Variants in C12orf56 observed in about 807,000 individuals in gnomAD.
The protein encoded by C12orf56 is chromosome 12 open reading frame 56, also known as uncharacterized protein C12orf56.
A neutral mutation model predicts 69.9 loss-of-function variants in C12orf56; 71 were observed. The ratio of observed to expected loss-of-function variants is 1.02; its 90% CI spans 0.84 to 1.24. The LOEUF is 1.24. Ranked by LOEUF, C12orf56 falls within the 50% of genes most tolerant of loss-of-function variation. C12orf56 has a pLI of 0.00. For synonymous variants in C12orf56, 276 were observed against 274.1 expected, an observed-to-expected ratio of 1.01 and a Z score of -0.07; for missense variants, 732 against 738.5, an observed-to-expected ratio of 0.99 and a Z score of 0.10.
intron 4 of C12orf56, among the ~76,000 whole-genome samples, chr12:64,315,710 T>G (rs2136832049): frequency 6.6e-6 from 1 of 152,272 alleles, no homozygotes; most frequent in African/African-American, 2.4e-5. Flanking sequence ...GGCAGGCAGA[T>G]CACCTGAAGT....
intron 4 of C12orf56, 64 bp from the exon 5 acceptor site, chr12:64,312,816 T>G: frequency 8.5e-7 from 1 of 1,175,690 alleles, no homozygotes; most frequent in Non-Finnish European, 1.2e-6. Flanking sequence ...TCCCCCTACC[T>G]TTAGTCAATG....
chr12:64,284,624 T>C (rs2038175238), intron 8 of C12orf56, 40 bp downstream of exon 8: 1 of 1,435,166 alleles, frequency 7.0e-7, no homozygotes, highest in East Asian at 2.3e-5. Flanking sequence ...AGTTAATGGG[T>C]TGCAACTACA....
At chr12:64,275,430 T>A in intron 9 of C12orf56, 58 bp from the exon 10 acceptor site, 1 of 775,240 alleles carries the variant, frequency 1.3e-6, no homozygotes, top group East Asian at 3.0e-5. Flanking sequence ...AAACGATAAT[T>A]TCCCATGGTT....
chr12:64,288,895 T>A (rs1346386420), intron 6 of C12orf56, among the ~76,000 whole-genome samples: 1 of 150,900 alleles, frequency 6.6e-6, no homozygotes. Flanking sequence ...GGAAAGTCAT[T>A]GGTAGCTTTA....
intron 1 of C12orf56, among the ~76,000 whole-genome samples, chr12:64,386,584 C>T (rs558851927): frequency 9.2e-5 from 14 of 151,960 alleles, no homozygotes; most frequent in South Asian, 2.1e-4. Context: ...TTAGTAGAGA[C>T]GGGGTGTCTC....
chr12:64,288,665 T>C (rs1237706102), intron 6 of C12orf56, among the ~76,000 whole-genome samples: 3 of 130,758 alleles, frequency 2.3e-5, no homozygotes, highest in Admixed American at 8.1e-5. Flanking sequence ...GTTGTAGATA[T>C]GCAGCATTAT....
intron 6 of C12orf56, among the ~76,000 whole-genome samples, chr12:64,294,066 A>G (rs1407971167): frequency 6.6e-6 from 1 of 152,202 alleles, no homozygotes; most frequent in Admixed American, 6.5e-5. Context: ...TGAATGGCCA[A>G]TAAGCACATG....
intron 11 of C12orf56, among the ~76,000 whole-genome samples, chr12:64,272,504 CAAAT>C (rs71089925): frequency 0.7 from 105,775 of 150,920 alleles, 38,171 homozygotes; most frequent in Non-Finnish European, 0.79. Flanking sequence ...GACTCTGTCT[CAAAT>C]AAATAAATAA....
chr12:64,352,099 G>T (rs113097437), intron 2 of C12orf56, among the ~76,000 whole-genome samples: 106 of 148,732 alleles, frequency 7.1e-4, no homozygotes, highest in African/African-American at 2.5e-3. Flanking sequence ...TTTTGTTTTT[G>T]TTTTTTTTTT....
chr12:64,293,126 C>T (rs535126511), intron 6 of C12orf56, among the ~76,000 whole-genome samples: 1 of 152,082 alleles, frequency 6.6e-6, no homozygotes, highest in Non-Finnish European at 1.5e-5. Flanking sequence ...CAGGTGCGTC[C>T]GTCACCCCTT....
chr12:64,355,843 A>G (rs1452613637), intron 1 of C12orf56: 1 of 152,310 alleles, frequency 6.6e-6, no homozygotes, highest in African/African-American at 2.4e-5. Flanking sequence ...CCCAATCACC[A>G]TGCTTATGAA....
chr12:64,382,367 T>G (rs2135986278), intron 1 of C12orf56, among the ~76,000 whole-genome samples: 1 of 152,212 alleles, frequency 6.6e-6, no homozygotes, highest in South Asian at 2.1e-4. Flanking sequence ...TTTGCTAAAT[T>G]TCCTAAAGCC....
intron 3 of C12orf56, among the ~76,000 whole-genome samples, chr12:64,328,697 AAAAAAAAAAATATATATAT>A (rs1161293062): frequency 2.5e-4 from 6 of 24,104 alleles, no homozygotes; most frequent in African/African-American, 8.3e-4. Context: ...AAAAAAAAAA[AAAAAAAAAAATATATATAT>A]ATATATATAT....
At chr12:64,348,881 T>C (rs1005041872) in intron 2 of C12orf56, among the ~76,000 whole-genome samples, 3 of 152,228 alleles carry the variant, frequency 2.0e-5, no homozygotes, top group African/African-American at 7.2e-5. Flanking sequence ...TTTGAGATTG[T>C]GACATTGGAA....
chr12:64,348,261 G>C (rs139867961), intron 2 of C12orf56, among the ~76,000 whole-genome samples: 2,563 of 152,256 alleles, frequency 0.017, 66 homozygotes, highest in African/African-American at 0.058. Flanking sequence ...CTAGGCAACA[G>C]AGCAAGACTC....
chr12:64,334,379 T>A (rs1361315424), intron 2 of C12orf56, among the ~76,000 whole-genome samples: 1 of 152,166 alleles, frequency 6.6e-6, no homozygotes, highest in Non-Finnish European at 1.5e-5. Flanking sequence ...TCCCTTAGTA[T>A]CCATGGAAAA....
intron 6 of C12orf56, among the ~76,000 whole-genome samples, chr12:64,296,561 A>G (rs1405292544): frequency 1.3e-5 from 2 of 152,204 alleles, no homozygotes; most frequent in African/African-American, 4.8e-5. Context: ...GATTTAGATG[A>G]CAATTGGTAA....
At chr12:64,283,908 ATT>A (rs35345999) in intron 8 of C12orf56, among the ~76,000 whole-genome samples, 7 of 133,156 alleles carry the variant, frequency 5.3e-5, no homozygotes, top group Admixed American at 1.6e-4. Context: ...TAGAGTATCT[ATT>A]TTTTTTTTTT....
chr12:64,329,361 A>C (rs887150421), intron 3 of C12orf56, among the ~76,000 whole-genome samples: 6 of 151,838 alleles, frequency 4.0e-5, no homozygotes, highest in Non-Finnish European at 8.8e-5. Flanking sequence ...TATCTCTTCC[A>C]TCCGTCCCTT....
Sources: allele counts gnomAD v4.1 joint callset (sites outside exome capture counted in the v4.1 genomes callset), GRCh38; gene constraint gnomAD v4.1.1; transcripts MANE v1.5; gene names NCBI Gene and HGNC (gene_info 2026-07-23, HGNC 2026-07-21).